FOXM1: variants seen among roughly 807,000 people sequenced by gnomAD.
FOXM1 encodes the protein forkhead box M1.
A neutral mutation model predicts 63.6 loss-of-function variants in FOXM1; 25 were observed. That is an observed-to-expected ratio of 0.39 (90% CI 0.29 to 0.55). The LOEUF is 0.55. Among genes scored for constraint, FOXM1 ranks in the 20% least tolerant of loss-of-function variants. FOXM1 has a pLI of 0.60. For synonymous variants in FOXM1, 387 were observed against 376.9 expected (o/e 1.03, Z -0.31); for missense variants, 879 against 958.7 (o/e 0.92, Z 1.10).
intron 6 of FOXM1, chr12:2,865,056 C>G: frequency 1.7e-6 from 1 of 583,324 alleles, no homozygotes; most frequent in Non-Finnish European, 3.1e-6. Context: ...AAGCTAGGCA[C>G]AAAAGTGAGC....
intron 8 of FOXM1, among the ~76,000 whole-genome samples, chr12:2,860,453 C>T (rs1350169161): frequency 1.3e-5 from 2 of 151,814 alleles, no homozygotes; most frequent in African/African-American, 2.4e-5. Context: ...CACCACTGCA[C>T]TCCAGACTAG....
Position 2,858,070 on chromosome 12 carries a change from G to A in FOXM1, c.*568C>T, listed in dbSNP as rs1641481579. 1 of 152,734 alleles carries A rather than the reference G, an allele frequency of 6.5e-6. No individual in the cohort carries two copies. The allele number at this position is 152,734 out of a possible 1,614,324, so 9.5% of individuals were successfully genotyped here. On this transcript the variant is annotated 3_prime_UTR_variant, in exon 9 of 9. Coordinates refer to ENST00000359843, the MANE Select transcript of FOXM1 (RefSeq NM_021953.4). The stretch of plus-strand genomic sequence containing the variant: ...GGAGGGGCAAAAAGGACTCTGGCAA[G>A]CAGATCCACTTGTCTGGGTCCCTGC...
In FOXM1 at chr12:2,871,993, A is replaced by G. The variant is rs540747466; in HGVS notation, c.654+103T>C. 3.6e-4 allele frequency: 442 copies of G among 1,222,958 alleles called. 5 individuals are homozygous for G. In the South Asian group the frequency reaches 5.0e-3, roughly 14 times the overall value. 75.8% of individuals were successfully genotyped at this position (1,222,958 alleles called of 1,614,324 possible). A position where few individuals can be genotyped will look rare whatever the true frequency, so the allele number is the denominator to read the frequency against. On this transcript the variant is annotated intron_variant, in intron 3 of 8. Coordinates refer to ENST00000359843, the MANE Select transcript of FOXM1 (RefSeq NM_021953.4). ...TAGCATGAAGTGGAGAGCTAATACC[A>G]GAACTTGGAAATTCTGGTCCATCAG...
At chr12:2,867,694 G>A (rs1032942938) in intron 4 of FOXM1, among the ~76,000 whole-genome samples, 16 of 150,494 alleles carry the variant, frequency 1.1e-4, no homozygotes, top group African/African-American at 3.9e-4. Context: ...TACCATGAGG[G>A]GCCAGGTGTG....
Position 2,866,572 on chromosome 12 carries a change from A to G in FOXM1, c.847-51T>C, listed in dbSNP as rs202093648. ...TATCAGCTACTTTAGATTCAGAAAC[A>G]TCACCCTTCAAACACATGGGGAAAC... is the stretch of plus-strand genomic sequence containing the variant. On this transcript the variant is annotated intron_variant, in intron 4 of 8. Transcript: ENST00000359843. 42 of 1,474,138 alleles carry G rather than the reference A, an allele frequency of 2.8e-5. No individual in the cohort carries two copies. The East Asian group carries it at 1.1e-3, about 37-fold the overall frequency. The allele number at this position is 1,474,138 out of a possible 1,614,324, so 91.3% of individuals were successfully genotyped here.
intron 1 of FOXM1, among the ~76,000 whole-genome samples, chr12:2,875,056 G>C (rs1285114478): frequency 6.9e-6 from 1 of 144,930 alleles, no homozygotes; most frequent in East Asian, 2.0e-4. Flanking sequence ...GCAGTGGCAC[G>C]ATCTCAGTTC....
chr12:2,868,746 C>T lies in FOXM1; in HGVS notation c.663G>A (p.Glu221=). Residue 221 remains glutamate (E), a synonymous_variant, in exon 4 of 9, where the codon GAG becomes GAA. Coordinates refer to ENST00000359843, the MANE Select transcript of FOXM1 (RefSeq NM_021953.4). ...GCCAGGACGCTGATGGTCTCGAAGG[C>T]TCCTCAACCTGAGGGTTATGACACA... is the stretch of plus-strand genomic sequence containing the variant. ...HLEQRQVKVE[E]PSRPSASWQN... is the part of the protein sequence containing the mutation. 1 of 1,611,624 alleles carries T rather than the reference C, an allele frequency of 6.2e-7. No homozygotes were observed. Among genetic ancestry groups the T allele is most frequent in the Non-Finnish European group, 8.5e-7 (1 of 1,178,946 alleles).
intron 1 of FOXM1, 110 bp downstream of exon 1, chr12:2,876,810 A>T (rs1447789295): frequency 6.6e-6 from 1 of 152,124 alleles, no homozygotes; most frequent in Non-Finnish European, 1.5e-5. Flanking sequence ...CCAAATCTCC[A>T]CTCGTGGCCC....
At position 2,858,876 on chromosome 12, in the gene FOXM1, A is replaced by G; in HGVS notation, c.2054T>C (p.Ile685Thr). 3 of 1,613,992 alleles carry G rather than the reference A, an allele frequency of 1.9e-6. No homozygotes were observed. Among genetic ancestry groups the G allele is most frequent in the Non-Finnish European group, 2.5e-6 (3 of 1,179,982 alleles). Residue 685 changes from isoleucine (I) to threonine (T), a missense_variant, in exon 9 of 9, where the codon ATC becomes ACC. By Grantham distance (89) the Ile-to-Thr change is moderately conservative. Transcript: ENST00000359843. ...AGAAGAGTTGCCAAAGGGGACGGAG[A>G]TGAGGTCTAAGGGTTCTGAACTGAG... ...RLLSSEPLDL[I>T]SVPFGNSSPS...
chr12:2,861,243 A>G lies in FOXM1; in HGVS notation c.1267-1580T>C, dbSNP rs540115926. The G allele has an allele frequency of 2.5e-4, 174 of 694,712 alleles. No homozygotes were observed. In the African/African-American group the frequency reaches 2.6e-3, roughly 11 times the overall value. 43.0% of individuals were successfully genotyped at this position (694,712 alleles called of 1,614,324 possible). On this transcript the variant is annotated intron_variant, in intron 8 of 8. Transcript: ENST00000359843. ...AATGGGCAATGTTCATAAATAACCA[A>G]TTCATAGAGGACAATTCCAAGTCAC...
chr12:2,872,164 C>A lies in FOXM1; in HGVS notation c.586G>T (p.Gly196Cys), dbSNP rs1211449949. The A allele has an allele frequency of 1.2e-6, 2 of 1,614,174 alleles. No homozygotes were observed. Among genetic ancestry groups the A allele is most frequent in the Non-Finnish European group, 1.7e-6 (2 of 1,180,018 alleles). Reference protein sequence around the residue: ...WLRKMSSDGLGSRSIKQEMEE... With the variant: ...WLRKMSSDGLCSRSIKQEMEE... ...ATCTCTTGCTTGATGCTGCGGGAGCCCAGTCCATCAGAACTCATCTTTCGA... is the reference window on the plus strand; with the variant it reads ...ATCTCTTGCTTGATGCTGCGGGAGCACAGTCCATCAGAACTCATCTTTCGA... Residue 196 changes from glycine (G) to cysteine (C), a missense_variant, in exon 3 of 9, where the codon GGC becomes TGC. By Grantham distance (159) the Gly-to-Cys change is radical. Transcript: ENST00000359843. This position sits in a 1 kb window ranked among gnomAD's most constrained non-coding sequence, Gnocchi z 4.0.
chr12:2,859,313 C>T lies in FOXM1; in HGVS notation c.1617G>A (p.Arg539=), dbSNP rs765141012. The change falls in exon 9 of 9, where the codon AGG becomes AGA. Residue 539 remains arginine (R), a synonymous_variant. Coordinates refer to ENST00000359843, the MANE Select transcript of FOXM1 (RefSeq NM_021953.4). The stretch of plus-strand genomic sequence containing the variant: ...GTTTTCTCCGAGACCGGCTCCTCTC[C>T]CTCCTCTCCCTGTGTTGAATCACAA... The part of the protein sequence containing the change: ...EMLVIQHRER[R]ERSRSRRKQH... 5.9e-5 allele frequency: 95 copies of T among 1,612,890 alleles called. No individual in the cohort carries two copies. Among genetic ancestry groups the T allele is most frequent in the Non-Finnish European group, 8.5e-6 (10 of 1,179,556 alleles).
chr12:2,865,643 C>CT (rs58125017), intron 5 of FOXM1, among the ~76,000 whole-genome samples: 41 of 68,014 alleles, frequency 6.0e-4, no homozygotes, highest in East Asian at 1.0e-3. Context: ...CTAAGGCAGG[C>CT]TTTTTTTTTT....
In FOXM1 at chr12:2,874,481, T is replaced by C; in HGVS notation, c.-3A>G. 6.2e-7 allele frequency: 1 copy of C among 1,600,252 alleles called. No homozygotes were observed. The highest frequency in any genetic ancestry group is 8.5e-7 in the Non-Finnish European group (1 of 1,174,808). On this transcript the variant is annotated 5_prime_UTR_variant, in exon 2 of 9. Transcript: ENST00000359843. The surrounding 1 kb of genome is among the most constrained non-coding windows in gnomAD (Gnocchi z 4.3). ...GGCCGACGGGGGCTAGTTTTCATTA[T>C]GAATCTGCGTTTTCACTCTCCATTG... is the stretch of plus-strand genomic sequence containing the variant.
At chr12:2,873,739 G>A (rs116963320) in intron 2 of FOXM1, among the ~76,000 whole-genome samples, 1,923 of 151,932 alleles carry the variant, frequency 0.013, 13 homozygotes, top group Non-Finnish European at 0.02. Context: ...CACCACGCTC[G>A]GCTAGTTTTT....
chr12:2,873,906 C>T, intron 2 of FOXM1, 71 bp downstream of exon 2: 1 of 1,501,650 alleles, frequency 6.7e-7, no homozygotes, highest in Non-Finnish European at 9.0e-7. Flanking sequence ...AGCATCAAGA[C>T]TGACTACACA....
At position 2,864,500 on chromosome 12, in the gene FOXM1, G is replaced by C; in HGVS notation, c.1091-5C>G. ...GCAGTGGCTTCATCTTCCGCCCTAG[G>C]AGGAAACACGAGAGATCAGGAGCAG... On this transcript the variant is annotated splice_polypyrimidine_tract_variant and splice_region_variant and intron_variant, in intron 7 of 8. Coordinates refer to ENST00000359843, the MANE Select transcript of FOXM1 (RefSeq NM_021953.4). This position sits in a 1 kb window ranked among gnomAD's most constrained non-coding sequence, Gnocchi z 5.1. 6.2e-7 allele frequency: 1 copy of C among 1,608,442 alleles called. No individual in the cohort carries two copies.
At chr12:2,875,490 A>G (rs369840374) in intron 1 of FOXM1, among the ~76,000 whole-genome samples, 72 of 152,320 alleles carry the variant, frequency 4.7e-4, no homozygotes, top group African/African-American at 1.7e-3. Context: ...AGAGGGTGAC[A>G]TTTATTTCAC....
chr12:2,865,971 G>C (rs557645215), intron 5 of FOXM1, among the ~76,000 whole-genome samples: 2 of 152,184 alleles, frequency 1.3e-5, no homozygotes, highest in Admixed American at 1.3e-4. Flanking sequence ...TTTTTTTAGA[G>C]CAAGCATTCC....
Sources: allele counts gnomAD v4.1 joint callset (sites outside exome capture counted in the v4.1 genomes callset), GRCh38; gene constraint gnomAD v4.1.1; non-coding constraint Gnocchi (gnomAD v3.1); transcripts MANE v1.5; gene names NCBI Gene and HGNC (gene_info 2026-07-23, HGNC 2026-07-21).